SLA2: variants seen among roughly 807,000 people sequenced by gnomAD.
The protein encoded by SLA2 is Src like adaptor 2.
SLA2 carries 22 observed loss-of-function variants against 27.3 expected under a neutral mutation model. The ratio of observed to expected loss-of-function variants is 0.81; its 90% CI spans 0.58 to 1.15. SLA2 has a LOEUF of 1.15. Among genes scored for constraint, SLA2 ranks in the 50% most tolerant of loss-of-function variants. The pLI is 0.00. For synonymous variants in SLA2, 131 were observed against 137.8 expected (o/e 0.95, Z 0.34); for missense variants, 304 against 322.2 (o/e 0.94, Z 0.43).
chr20:36,624,843 G>T (rs2039320601), intron 5 of SLA2, among the ~76,000 whole-genome samples: 1 of 152,202 alleles, frequency 6.6e-6, no homozygotes. Flanking sequence ...GGGCACACAG[G>T]TCCAGTTGAC....
intron 5 of SLA2, among the ~76,000 whole-genome samples, chr20:36,622,768 G>C (rs762725843): frequency 2.0e-5 from 3 of 152,054 alleles, no homozygotes; most frequent in Non-Finnish European, 4.4e-5. Context: ...CCTCCCTCTC[G>C]TAAGCATCCT....
chr20:36,619,220 GA>G (rs60021707), intron 5 of SLA2, among the ~76,000 whole-genome samples: 1,430 of 71,270 alleles, frequency 0.02, 7 homozygotes, highest in African/African-American at 0.036. Flanking sequence ...GACTCTGGGG[GA>G]AAAAAAAAAA....
chr20:36,635,542 G>A (rs754183417), intron 2 of SLA2, among the ~76,000 whole-genome samples: 7 of 151,964 alleles, frequency 4.6e-5, no homozygotes, highest in Non-Finnish European at 1.0e-4. Flanking sequence ...GGAAGACCGA[G>A]GCTGATTCTG....
At chr20:36,636,289 C>T (rs568361856) in intron 2 of SLA2, among the ~76,000 whole-genome samples, 2 of 150,570 alleles carry the variant, frequency 1.3e-5, no homozygotes, top group African/African-American at 2.5e-5. Context: ...GGCGCGGTGG[C>T]GGGCGCCTGT....
At position 36,626,998 on chromosome 20, in the gene SLA2, G is replaced by A. The variant is rs73281187; in HGVS notation, c.382+5597C>T. 7.9e-3 allele frequency among the ~76,000 whole-genome samples: 1,204 copies of A among 152,280 alleles called. 15 individuals carry two copies. Among genetic ancestry groups the A allele is most frequent in the African/African-American group, 0.027 (1,141 of 41,550 alleles). On this transcript the variant is annotated intron_variant, in intron 5 of 7. Transcript: ENST00000262866. ...TGATAGTCTGGGAAGGCGATAGTCT[G>A]GGTAGGTGGTAGTCTGGGAAAGTCC...
At chr20:36,619,352 C>T (rs2039253852) in intron 5 of SLA2, among the ~76,000 whole-genome samples, 1 of 151,136 alleles carries the variant, frequency 6.6e-6, no homozygotes, top group African/African-American at 2.4e-5. Context: ...ATGGTGAAAC[C>T]CCATCTCTAC....
chr20:36,617,882 T>C (rs2039233024), intron 5 of SLA2, among the ~76,000 whole-genome samples: 1 of 147,244 alleles, frequency 6.8e-6, no homozygotes. Context: ...GCGCAGTGGC[T>C]CAAGCCTGTA....
intron 5 of SLA2, among the ~76,000 whole-genome samples, chr20:36,625,842 A>T (rs79880948): frequency 2.0e-5 from 3 of 150,320 alleles, no homozygotes; most frequent in African/African-American, 7.3e-5. Flanking sequence ...AAAAAAAAAA[A>T]AGCTGGGTGT....
chr20:36,616,939 A>G (rs1405367638), intron 5 of SLA2, among the ~76,000 whole-genome samples: 1 of 152,166 alleles, frequency 6.6e-6, no homozygotes, highest in Non-Finnish European at 1.5e-5. Context: ...AGTCCGAGCT[A>G]CTTGGAAGGC....
intron 2 of SLA2, among the ~76,000 whole-genome samples, chr20:36,640,705 C>T (rs371466481): frequency 3.2e-4 from 48 of 152,072 alleles, no homozygotes; most frequent in African/African-American, 1.1e-3. Flanking sequence ...TTAGTAGAGA[C>T]GGGGTTTCAC....
chr20:36,622,210 CAAAAAA>C (rs549536610), intron 5 of SLA2, among the ~76,000 whole-genome samples: 1 of 100,984 alleles, frequency 9.9e-6, no homozygotes, highest in Admixed American at 1.1e-4. Flanking sequence ...GACTTGATCT[CAAAAAA>C]AAAAAAAAAA....
chr20:36,626,842 C>CAAA (rs539777775), intron 5 of SLA2, among the ~76,000 whole-genome samples: 1 of 77,496 alleles, frequency 1.3e-5, no homozygotes. Flanking sequence ...GACTCCATCT[C>CAAA]AAAAAAAAAA....
rs533059520 is a variant in SLA2 at position 36,638,571 on chromosome 20, C to T, written c.91+2674G>A. 1.4e-4 allele frequency among the ~76,000 whole-genome samples: 21 copies of T among 152,118 alleles called. No individual in the cohort carries two copies. In the East Asian group the frequency reaches 3.9e-3, roughly 28 times the overall value. On this transcript the variant is annotated intron_variant, in intron 2 of 7. Transcript: ENST00000262866. ...CTCAAACTCCTGACCTCAGGTGATC[C>T]ACCTGCCTCAGCCTTCCAAAGTGCT...
intron 1 of SLA2, among the ~76,000 whole-genome samples, chr20:36,644,555 A>G (rs974902533): frequency 6.6e-6 from 1 of 152,228 alleles, no homozygotes; most frequent in East Asian, 1.9e-4. Flanking sequence ...CCAAAGGCAG[A>G]TGGAGACAGG....
rs111497500 is a variant in SLA2 at position 36,617,930 on chromosome 20, G to A, written c.383-2556C>T. Among the ~76,000 whole-genome samples, 758 of 150,704 alleles carry A rather than the reference G, an allele frequency of 5.0e-3. 6 individuals carry two copies. The highest frequency in any genetic ancestry group is 0.017 in the African/African-American group (716 of 41,022). ...TGAGAGGCTGAGGCAGGCAGATCAC[G>A]AGGTCAGGAGATCAAGATCATCCTG... is the stretch of plus-strand genomic sequence containing the variant. On this transcript the variant is annotated intron_variant, in intron 5 of 7. Transcript: ENST00000262866.
At chr20:36,614,993 A>G in intron 6 of SLA2, 2 of 985,318 alleles carry the variant, frequency 2.0e-6, no homozygotes, top group Middle Eastern at 5.2e-4. Context: ...GTGGTAGGCA[A>G]GGTACTGACC....
At chr20:36,620,389 A>T (rs2039268835) in intron 5 of SLA2, 2 of 179,320 alleles carry the variant, frequency 1.1e-5, no homozygotes, top group African/African-American at 4.8e-5. Context: ...TCAAAAAAAT[A>T]AAATAAATAA....
At chr20:36,643,051 T>G (rs1978284966) in intron 1 of SLA2, among the ~76,000 whole-genome samples, 1 of 152,224 alleles carries the variant, frequency 6.6e-6, no homozygotes, top group Admixed American at 6.5e-5. Flanking sequence ...GAGAGTTTAC[T>G]TGTTTAATCT....
chr20:36,640,342 T>C (rs2039493969), intron 2 of SLA2, among the ~76,000 whole-genome samples: 1 of 151,940 alleles, frequency 6.6e-6, no homozygotes, highest in Non-Finnish European at 1.5e-5. Flanking sequence ...CAGCCCTAAT[T>C]TCACTTCAGG....
Sources: gnomAD v4.1 joint callset for allele counts (sites outside exome capture counted in the v4.1 genomes callset) on GRCh38, gnomAD v4.1.1 for gene constraint, MANE v1.5 for transcripts, NCBI Gene and HGNC (gene_info 2026-07-23, HGNC 2026-07-21) for gene names.